Variants in NFIC observed in about 807,000 individuals in gnomAD.
NFIC encodes nuclear factor I C, also known as nuclear factor 1 C-type.
Under a neutral mutation model 54.4 loss-of-function variants are expected in NFIC, and 12 were observed. That is an observed-to-expected ratio of 0.22 (90% CI 0.14 to 0.36). The LOEUF is 0.36. NFIC is among the 10% of genes least tolerant of loss of function. The pLI is 1.00. For missense variants in NFIC, 575 were observed against 718.2 expected (o/e 0.80, Z 2.28); for synonymous variants, 322 against 319.2 (o/e 1.01, Z -0.09).
chr19:3,435,694 C>T (rs374556066), intron 6 of NFIC, among the ~76,000 whole-genome samples: 38 of 152,104 alleles, frequency 2.5e-4, no homozygotes, highest in Admixed American at 1.3e-4. Flanking sequence ...ATGGGATCTT[C>T]TGGTTCTGCA....
rs1391305393 is a variant in NFIC, at chr19:3,467,287, AT to A, written c.*4519del. The A allele has an allele frequency of 7.4e-6, 1 of 135,948 alleles. No individual in the cohort carries two copies. The highest frequency in any genetic ancestry group is 1.5e-5 in the Non-Finnish European group (1 of 65,292). The allele number at this position is 135,948 out of a possible 1,614,324, so 8.4% of individuals were successfully genotyped here. A position where few individuals can be genotyped will look rare whatever the true frequency, so the allele number is the denominator to read the frequency against. On this transcript the variant is annotated 3_prime_UTR_variant, in exon 11 of 11. Coordinates refer to ENST00000443272, the MANE Select transcript of NFIC (RefSeq NM_001245002.2). ...AAGAATAGGGAGGCCTCCCAAATAT[AT>A]GCAAATTGTCCCCATTCCGTGGGGG...
At chr19:3,422,971 C>T (rs1209153233) in intron 2 of NFIC, among the ~76,000 whole-genome samples, 3 of 151,850 alleles carry the variant, frequency 2.0e-5, no homozygotes, top group Admixed American at 1.3e-4. Context: ...CCGAGGCGGG[C>T]GGATCACCTG....
Position 3,464,050 on chromosome 19 carries a change from G to C in NFIC, c.*1281G>C. 2.0e-6 allele frequency: 2 copies of C among 985,164 alleles called. No individual in the cohort carries two copies. The highest frequency in any genetic ancestry group is 2.4e-6 in the Non-Finnish European group (2 of 829,876). 61.0% of individuals were successfully genotyped at this position (985,164 alleles called of 1,614,324 possible). ...AGCGTCCTGCCCTGCCGGGGCGCGGGGGTGGGCTCTGGGGAAGCCGGTGCG... is the reference window on the plus strand; with the variant it reads ...AGCGTCCTGCCCTGCCGGGGCGCGGCGGTGGGCTCTGGGGAAGCCGGTGCG... On this transcript the variant is annotated 3_prime_UTR_variant, in exon 11 of 11. Transcript: ENST00000443272.
At chr19:3,446,433 C>T (rs567676760) in intron 6 of NFIC, among the ~76,000 whole-genome samples, 16 of 152,300 alleles carry the variant, frequency 1.1e-4, no homozygotes, top group South Asian at 6.2e-4. Context: ...GGACTCTGCT[C>T]AGCACCCTGC....
At chr19:3,400,464 G>A (rs2081538086) in intron 2 of NFIC, among the ~76,000 whole-genome samples, 1 of 151,990 alleles carries the variant, frequency 6.6e-6, no homozygotes, top group African/African-American at 2.4e-5. Context: ...GTGACAGAGT[G>A]AGACTCTGTC....
At chr19:3,409,883 G>A (rs560057127) in intron 2 of NFIC, among the ~76,000 whole-genome samples, 46 of 152,308 alleles carry the variant, frequency 3.0e-4, no homozygotes, top group African/African-American at 1.1e-3. Flanking sequence ...CAAGAGACCT[G>A]GCTCCCGGCC....
intron 3 of NFIC, among the ~76,000 whole-genome samples, chr19:3,430,005 C>T (rs1337681527): frequency 6.6e-6 from 1 of 152,094 alleles, no homozygotes; most frequent in Non-Finnish European, 1.5e-5. Context: ...TGTAAAATGC[C>T]ACCATCTCGG....
chr19:3,359,713 C>A, intron 1 of NFIC: 2 of 1,418,552 alleles, frequency 1.4e-6, no homozygotes, highest in Non-Finnish European at 1.9e-6. Flanking sequence ...CTTTCGTTTT[C>A]GCCCGGGGAC....
chr19:3,451,982 C>T (rs2082470877), intron 7 of NFIC, among the ~76,000 whole-genome samples: 1 of 151,264 alleles, frequency 6.6e-6, no homozygotes, highest in African/African-American at 2.4e-5. Flanking sequence ...CCAGGCATGG[C>T]GGCGTGCACT....
intron 2 of NFIC, among the ~76,000 whole-genome samples, chr19:3,401,270 C>G (rs999787756): frequency 2.0e-5 from 3 of 152,080 alleles, no homozygotes; most frequent in Non-Finnish European, 4.4e-5. Flanking sequence ...GAGGGACCAG[C>G]CCTGACTCAG....
chr19:3,398,827 G>T (rs184265889), intron 2 of NFIC, among the ~76,000 whole-genome samples: 32 of 152,350 alleles, frequency 2.1e-4, no homozygotes, highest in Admixed American at 1.6e-3. Flanking sequence ...AGCTGGGGAG[G>T]GGGAGGCTCT....
Position 3,436,309 on chromosome 19 carries a change from ATT to A in NFIC, c.958+1129_958+1130del, listed in dbSNP as rs71166903. On this transcript the variant is annotated intron_variant, in intron 6 of 10. Coordinates refer to ENST00000443272, the MANE Select transcript of NFIC (RefSeq NM_001245002.2). Reference sequence around the variant, plus strand: ...AGGTGCATACTGCCATGCGCCGTTAATTTTTTTTTTTTTTTTTTTTTTTTTTT... The same window carrying A: ...AGGTGCATACTGCCATGCGCCGTTAATTTTTTTTTTTTTTTTTTTTTTTTT... 5.9e-3 allele frequency among the ~76,000 whole-genome samples: 505 copies of A among 85,430 alleles called. 3 individuals carry two copies. Among genetic ancestry groups the A allele is most frequent in the East Asian group, 0.019 (74 of 3,848 alleles). 56.0% of individuals were successfully genotyped at this position (85,430 alleles called of 152,430 possible).
chr19:3,428,006 C>G (rs1203856919), intron 3 of NFIC, among the ~76,000 whole-genome samples: 1 of 151,140 alleles, frequency 6.6e-6, no homozygotes, highest in Non-Finnish European at 1.5e-5. Context: ...CCTGTCTCTA[C>G]TGAATATACA....
intron 1 of NFIC, among the ~76,000 whole-genome samples, chr19:3,368,928 T>TGTGTGC (rs1255819098): frequency 3.3e-5 from 5 of 151,662 alleles, no homozygotes; most frequent in Admixed American, 6.6e-5. Context: ...TGTGTGTGTG[T>TGTGTGC]GTGTGTGTGT....
At chr19:3,423,557 T>C (rs1252327602) in intron 2 of NFIC, among the ~76,000 whole-genome samples, 1 of 152,094 alleles carries the variant, frequency 6.6e-6, no homozygotes, top group Non-Finnish European at 1.5e-5. Context: ...GCTGGGCTTG[T>C]CCACCTGCCC....
intron 1 of NFIC, among the ~76,000 whole-genome samples, chr19:3,378,145 C>A (rs2081139795): frequency 6.6e-6 from 1 of 151,686 alleles, no homozygotes; most frequent in South Asian, 2.1e-4. Context: ...CCTGTAATCC[C>A]AGCTACTCGG....
At chr19:3,359,631 G>A, upstream of NFIC, 2 of 1,328,440 alleles carry the variant, frequency 1.5e-6, no homozygotes, top group Non-Finnish European at 9.7e-7. Context: ...CCCCTCGCCG[G>A]GGACCGAGCG....
Position 3,381,856 on chromosome 19 carries a change from G to A in NFIC, c.175G>A (p.Asp59Asn). 1 of 1,614,028 alleles carries A rather than the reference G, an allele frequency of 6.2e-7. No homozygotes were observed. The highest frequency in any genetic ancestry group is 8.5e-7 in the Non-Finnish European group (1 of 1,179,966). The stretch of plus-strand genomic sequence containing the variant: ...GAAGGACGAGGAGCGTGCGGTCAAG[G>A]ACGAGCTGCTGGGCGAGAAGCCCGA... ...MSKDEERAVK[D>N]ELLGEKPEVK... The change falls in exon 2 of 11, where the codon GAC (aspartate) becomes AAC (asparagine). Residue 59 changes from aspartate (D) to asparagine (N), a missense_variant. By Grantham distance (23) the Asp-to-Asn change is conservative (BLOSUM62 1). Around this residue, in one of 3 missense-constraint regions of NFIC, gnomAD observed 122 missense variants for 158.0 expected, o/e 0.77. Transcript: ENST00000443272.
At chr19:3,449,408 C>G (rs375834456) in intron 7 of NFIC, among the ~76,000 whole-genome samples, 1 of 152,020 alleles carries the variant, frequency 6.6e-6, no homozygotes, top group East Asian at 1.9e-4. Context: ...CCCTCACCCC[C>G]GTCTCAATCT....
Sources: allele counts gnomAD v4.1 joint callset (sites outside exome capture counted in the v4.1 genomes callset), GRCh38; gene constraint gnomAD v4.1.1; regional missense constraint gnomAD v4.1.1; transcripts MANE v1.5; gene names NCBI Gene and HGNC (gene_info 2026-07-23, HGNC 2026-07-21).